Variants in C2CD5 observed in about 807,000 individuals in gnomAD.
The protein encoded by C2CD5 is C2 calcium dependent domain containing 5, also known as C2 domain-containing protein 5.
In C2CD5, 109 loss-of-function variants were observed where a neutral mutation model predicts 130.3. That is an observed-to-expected ratio of 0.84 (90% CI 0.72 to 0.98). The LOEUF (loss-of-function observed/expected upper bound fraction) is 0.98, where lower values mean the gene tolerates loss of function less well. C2CD5 is among the 50% of genes least tolerant of loss of function. The probability of loss-of-function intolerance (pLI) is 0.00; values close to 1 mark genes in which losing one functional copy is unlikely to be tolerated. For missense variants in C2CD5, 996 were observed against 1,261.8 expected (o/e 0.79, Z 3.19); for synonymous variants, 454 against 429.2 (o/e 1.06, Z -0.71).
At chr12:22,469,513 CTT>C (rs1229904461) in intron 22 of C2CD5, among the ~76,000 whole-genome samples, 194 bp downstream of exon 22, 1 of 152,010 alleles carries the variant, frequency 6.6e-6, no homozygotes, top group Non-Finnish European at 1.5e-5. Flanking sequence ...ACCTTAATAA[CTT>C]AGAATGAAAT....
chr12:22,543,964 G>C, intron 2 of C2CD5, 97 bp downstream of exon 2: 2 of 911,490 alleles, frequency 2.2e-6, no homozygotes, highest in East Asian at 5.0e-5. Context: ...GAGGGCAGTC[G>C]AGGGGGGAAT....
At chr12:22,508,909 G>A (rs113421387) in intron 9 of C2CD5, among the ~76,000 whole-genome samples, 3,116 of 144,728 alleles carry the variant, frequency 0.022, 107 homozygotes, top group African/African-American at 0.076. Flanking sequence ...TCGCTCTGTC[G>A]CCCAGGCCAG....
chr12:22,450,759 T>C (rs1250200969), intron 26 of C2CD5, among the ~76,000 whole-genome samples: 1 of 152,114 alleles, frequency 6.6e-6, no homozygotes, highest in East Asian at 1.9e-4. Flanking sequence ...CATCACATTG[T>C]TTTTGTAGCA....
chr12:22,502,656 T>A, intron 10 of C2CD5: 1 of 711,880 alleles, frequency 1.4e-6, no homozygotes, highest in South Asian at 1.7e-5. Flanking sequence ...TTAAACCTAC[T>A]TCATCTAGAA....
chr12:22,473,306 G>A (rs1943337888), intron 16 of C2CD5, among the ~76,000 whole-genome samples: 1 of 152,058 alleles, frequency 6.6e-6, no homozygotes, highest in Non-Finnish European at 1.5e-5. Flanking sequence ...AAACTATCCA[G>A]CTGGACAGGC....
At position 22,478,480 on chromosome 12, in the gene C2CD5, T is replaced by C; in HGVS notation, c.1738-3A>G. 1 of 1,610,684 alleles carries C rather than the reference T, an allele frequency of 6.2e-7. No individual in the cohort carries two copies. Among genetic ancestry groups the C allele is most frequent in the Non-Finnish European group, 8.5e-7 (1 of 1,178,046 alleles). Reference sequence around the variant, plus strand: ...GCTAAATACACACCTGTGGCAGACTTGTAAAAAATAATGGGGAAATAATCA... The same window carrying C: ...GCTAAATACACACCTGTGGCAGACTCGTAAAAAATAATGGGGAAATAATCA... On this transcript the variant is annotated splice_region_variant and splice_polypyrimidine_tract_variant and intron_variant, in intron 14 of 26. Coordinates refer to ENST00000446597, the MANE Select transcript of C2CD5 (RefSeq NM_001286176.2).
At chr12:22,485,570 A>C (rs1945380074) in intron 12 of C2CD5, among the ~76,000 whole-genome samples, 1 of 152,142 alleles carries the variant, frequency 6.6e-6, no homozygotes, top group Non-Finnish European at 1.5e-5. Context: ...GGCATACTCT[A>C]AGATTTCTAA....
Position 22,523,480 on chromosome 12 carries a change from C to T in C2CD5, c.746G>A (p.Ser249Asn), listed in dbSNP as rs763834594. ...TGCAGGAAGGAATGCTGCTGGGCTACTTAATTTATCCAGAGTACACGCCGT... is the reference window on the plus strand; with the variant it reads ...TGCAGGAAGGAATGCTGCTGGGCTATTTAATTTATCCAGAGTACACGCCGT... Reference protein sequence around the residue: ...IGTACTLDKLSSPAAFLPACN... With the variant: ...IGTACTLDKLNSPAAFLPACN... The change falls in exon 7 of 27, where the codon AGT becomes AAT. Residue 249 changes from serine (S) to asparagine (N), a missense_variant. Coordinates refer to ENST00000446597, the MANE Select transcript of C2CD5 (RefSeq NM_001286176.2). 2 of 1,614,048 alleles carry T rather than the reference C, an allele frequency of 1.2e-6. No individual in the cohort carries two copies. The highest frequency in any genetic ancestry group is 2.2e-5 in the South Asian group (2 of 91,086).
intron 9 of C2CD5, among the ~76,000 whole-genome samples, chr12:22,512,476 A>G (rs915849037): frequency 6.3e-5 from 9 of 143,376 alleles, no homozygotes; most frequent in African/African-American, 2.7e-4. Flanking sequence ...AGTTAGTAGA[A>G]AAAAGAACAT....
At position 22,453,935 on chromosome 12, in the gene C2CD5, C is replaced by T; in HGVS notation, c.2985G>A (p.Met995Ile). The T allele has an allele frequency of 1.2e-6, 2 of 1,613,668 alleles. No individual in the cohort carries two copies. Among genetic ancestry groups the T allele is most frequent in the Non-Finnish European group, 8.5e-7 (1 of 1,179,736 alleles). ...LGGNAVVSYI[M>I]KQCVFMENPN... Reference sequence around the variant, plus strand: ...GATTCTCCATGAAGACACACTGCTTCATTATGTAGGAGACAACAGCATTCC... The same window carrying T: ...GATTCTCCATGAAGACACACTGCTTTATTATGTAGGAGACAACAGCATTCC... Residue 995 changes from methionine (M) to isoleucine (I), a missense_variant, in exon 26 of 27, where the codon ATG (methionine) becomes ATA (isoleucine). Around this residue, in one of 9 missense-constraint regions of C2CD5, gnomAD observed 51 missense variants for 99.5 expected, o/e 0.51. Transcript: ENST00000446597.
intron 22 of C2CD5, among the ~76,000 whole-genome samples, chr12:22,464,405 C>T (rs771278928): frequency 2.6e-5 from 4 of 152,246 alleles, no homozygotes; most frequent in African/African-American, 4.8e-5. Context: ...CCAAATAATC[C>T]GTTTTCTGTC....
intron 10 of C2CD5, among the ~76,000 whole-genome samples, chr12:22,497,038 CAACAT>C (rs758190306): frequency 5.3e-5 from 8 of 152,044 alleles, no homozygotes; most frequent in Non-Finnish European, 1.2e-4. Flanking sequence ...GTGAACAACT[CAACAT>C]AATATGCTCT....
chr12:22,465,073 A>G (rs1328447882), intron 22 of C2CD5, among the ~76,000 whole-genome samples: 1 of 152,214 alleles, frequency 6.6e-6, no homozygotes, highest in East Asian at 1.9e-4. Flanking sequence ...CTTCTGACGT[A>G]GACACCTAAT....
intron 10 of C2CD5, among the ~76,000 whole-genome samples, chr12:22,499,802 T>C (rs1213950541): frequency 1.3e-5 from 2 of 152,230 alleles, no homozygotes; most frequent in African/African-American, 4.8e-5. Context: ...TCAAAGTCTG[T>C]TACCAAGCCA....
intron 8 of C2CD5, chr12:22,514,860 T>G (rs957600945): frequency 3.0e-5 from 11 of 362,106 alleles, no homozygotes; most frequent in African/African-American, 2.2e-4. Context: ...TGACTACCAG[T>G]AAGAAAAATA....
chr12:22,495,664 CAT>C (rs777017097), intron 10 of C2CD5, among the ~76,000 whole-genome samples: 1 of 151,702 alleles, frequency 6.6e-6, no homozygotes, highest in Non-Finnish European at 1.5e-5. Context: ...CACAATTGCA[CAT>C]GAGGATGCCA....
intron 16 of C2CD5, 93 bp from the exon 17 acceptor site, chr12:22,472,900 A>G: frequency 1.3e-6 from 1 of 756,036 alleles, no homozygotes; most frequent in Non-Finnish European, 2.3e-6. Flanking sequence ...GAAAAGGCAG[A>G]GTCATTTTTC....
At position 22,484,759 on chromosome 12, in the gene C2CD5, A is replaced by T; in HGVS notation, c.1488T>A (p.Phe496Leu). 1 of 1,610,264 alleles carries T rather than the reference A, an allele frequency of 6.2e-7. No individual in the cohort carries two copies. Among genetic ancestry groups the T allele is most frequent in the Non-Finnish European group, 8.5e-7 (1 of 1,178,072 alleles). ...CATCTGTTGGGAGGTCTATAGTTGT[A>T]AACAGAACATCAGGAACTTTTTGTT... The part of the protein sequence containing the change: ...CRKQKVPDVL[F>L]TTIDLPTDAT... The change falls in exon 13 of 27, where the codon TTT (phenylalanine) becomes TTA (leucine). Residue 496 changes from phenylalanine (F) to leucine (L), a missense_variant. This residue lies in a region of C2CD5 where 590 missense variants were observed against 631.4 expected (regional missense o/e 0.93). Coordinates refer to ENST00000446597, the MANE Select transcript of C2CD5 (RefSeq NM_001286176.2).
At chr12:22,540,900 T>G (rs1008549640) in intron 2 of C2CD5, among the ~76,000 whole-genome samples, 1 of 152,178 alleles carries the variant, frequency 6.6e-6, no homozygotes, top group African/African-American at 2.4e-5. Flanking sequence ...ATACTTCTAT[T>G]TGTTATAGTT....
Sources: gnomAD v4.1 joint callset for allele counts (sites outside exome capture counted in the v4.1 genomes callset) on GRCh38, gnomAD v4.1.1 for gene constraint, gnomAD v4.1.1 regional missense constraint, MANE v1.5 for transcripts, NCBI Gene and HGNC (gene_info 2026-07-23, HGNC 2026-07-21) for gene names.